MYO18B: variants seen among roughly 807,000 people sequenced by gnomAD.
The protein encoded by MYO18B is unconventional myosin-XVIIIb.
Under a neutral mutation model 273.0 loss-of-function variants are expected in MYO18B, and 204 were observed. The ratio of observed to expected loss-of-function variants is 0.75; its 90% CI spans 0.67 to 0.84. The LOEUF (loss-of-function observed/expected upper bound fraction) is 0.84. MYO18B is among the 40% of genes least tolerant of loss of function. MYO18B has a pLI of 0.00. For missense variants in MYO18B, 3,212 were observed against 3,287.6 expected (o/e 0.98, Z 0.56); for synonymous variants, 1,330 against 1,305.7 (o/e 1.02, Z -0.40).
At chr22:25,787,095 GTTCCAGCT>G in intron 11 of MYO18B, among the ~76,000 whole-genome samples, 1 of 152,162 alleles carries the variant, frequency 6.6e-6, no homozygotes, top group Non-Finnish European at 1.5e-5. Context: ...CATGCCTGTA[GTTCCAGCT>G]GCTTGGGAGG....
At chr22:25,921,212 C>CACTG (rs2092335988) in intron 33 of MYO18B, 45 bp from the exon 34 acceptor site, 2 of 1,522,896 alleles carry the variant, frequency 1.3e-6, no homozygotes, top group African/African-American at 2.8e-5. Context: ...AGACCCTGGC[C>CACTG]ACTGCTTTGC....
At chr22:25,928,801 A>C (rs1264878390) in intron 34 of MYO18B, among the ~76,000 whole-genome samples, 1 of 152,082 alleles carries the variant, frequency 6.6e-6, no homozygotes, top group Non-Finnish European at 1.5e-5. Context: ...ATCTCAGCTG[A>C]TTGGGCTGAT....
intron 2 of MYO18B, 80 bp from the exon 3 acceptor site, chr22:25,763,151 T>C: frequency 1.3e-6 from 2 of 1,542,816 alleles, no homozygotes; most frequent in Admixed American, 3.4e-5. Flanking sequence ...CCTCCCAGGC[T>C]CCATCACAAA....
the MYO18B span, among the ~76,000 whole-genome samples, chr22:26,063,819 A>G: frequency 1.3e-5 from 2 of 152,252 alleles, no homozygotes; most frequent in African/African-American, 4.8e-5. Context: ...AAATAGTGTG[A>G]TAGCAATTAA....
chr22:25,774,995 G>T (rs1399403264), intron 7 of MYO18B, among the ~76,000 whole-genome samples: 1 of 152,240 alleles, frequency 6.6e-6, no homozygotes, highest in African/African-American at 2.4e-5. Context: ...AGATGCAAAG[G>T]CATGTGTGCA....
intron 21 of MYO18B, among the ~76,000 whole-genome samples, chr22:25,856,114 A>G (rs1186640894): frequency 1.3e-5 from 2 of 152,220 alleles, no homozygotes; most frequent in African/African-American, 4.8e-5. Flanking sequence ...GAGCTGCCAT[A>G]CAGTTTTTTA....
chr22:25,991,759 C>T (rs569990480), intron 39 of MYO18B, among the ~76,000 whole-genome samples: 61 of 152,244 alleles, frequency 4.0e-4, no homozygotes, highest in African/African-American at 1.4e-3. Context: ...TGAGTGAGAT[C>T]CTGGCTGCAA....
chr22:25,847,515 G>T lies in MYO18B; in HGVS notation c.3638G>T (p.Gly1213Val). The stretch of plus-strand genomic sequence containing the variant: ...AACCCTGTGGTGGAAAGCAGGAGTG[G>T]GCAGGAATCTCCACCACCACCGCAG... ...VPNPVVESRS[G>V]QESPPPPQPG... Residue 1213 changes from glycine (G) to valine (V), a missense_variant, in exon 20 of 44, where the codon GGG (glycine) becomes GTG (valine). By Grantham distance (109) the Gly-to-Val change is moderately radical (BLOSUM62 -3). Transcript: ENST00000335473. 1 of 1,578,258 alleles carries T rather than the reference G, an allele frequency of 6.3e-7. No individual in the cohort carries two copies. The highest frequency in any genetic ancestry group is 1.8e-5 in the Admixed American group (1 of 55,016).
At chr22:25,785,400 T>C in intron 10 of MYO18B, 28 bp from the exon 11 acceptor site, 1 of 1,585,766 alleles carries the variant, frequency 6.3e-7, no homozygotes, top group African/African-American at 1.3e-5. Flanking sequence ...ACAGCCCCCC[T>C]GACTCCTGGT....
At chr22:25,833,705 C>G (rs1324374194) in intron 16 of MYO18B, among the ~76,000 whole-genome samples, 1 of 152,198 alleles carries the variant, frequency 6.6e-6, no homozygotes, top group East Asian at 1.9e-4. Flanking sequence ...TTCCTCATTT[C>G]CAGAATGGGG....
chr22:25,905,097 C>T (rs2092015449), intron 31 of MYO18B, among the ~76,000 whole-genome samples: 1 of 151,654 alleles, frequency 6.6e-6, no homozygotes, highest in Non-Finnish European at 1.5e-5. Context: ...AAAATGTGAC[C>T]AGGTGTCATG....
chr22:25,850,109 C>T (rs1569108344), intron 20 of MYO18B, among the ~76,000 whole-genome samples: 1 of 152,174 alleles, frequency 6.6e-6, no homozygotes, highest in Non-Finnish European at 1.5e-5. Context: ...GTCTGAGACC[C>T]TCCTCTTCCC....
At chr22:25,949,809 G>C (rs527258877) in intron 36 of MYO18B, among the ~76,000 whole-genome samples, 2 of 151,914 alleles carry the variant, frequency 1.3e-5, no homozygotes, top group East Asian at 3.9e-4. Context: ...AAGTAAAGAG[G>C]TGTTTCTACC....
chr22:26,007,946 T>A (rs1274578012), intron 42 of MYO18B, among the ~76,000 whole-genome samples: 1 of 152,216 alleles, frequency 6.6e-6, no homozygotes, highest in African/African-American at 2.4e-5. Context: ...TGTATATCCT[T>A]CTCTATCTTT....
At chr22:25,937,519 T>C (rs2092594045) in intron 34 of MYO18B, among the ~76,000 whole-genome samples, 2 of 151,404 alleles carry the variant, frequency 1.3e-5, no homozygotes, top group South Asian at 4.2e-4. Context: ...TAAGATATTC[T>C]CCCCCATGGC....
In MYO18B at chr22:26,027,101, T is replaced by G; in HGVS notation, c.7127T>G (p.Leu2376Trp). ...SSPTTPRDML[L>W]SPTLRPRRRC... Reference sequence around the variant, plus strand: ...CCGACCACACCCAGGGACATGCTGTTGTCGCCCACACTGCGTCCTCGGAGG... The same window carrying G: ...CCGACCACACCCAGGGACATGCTGTGGTCGCCCACACTGCGTCCTCGGAGG... The change falls in exon 43 of 44, where the codon TTG (leucine) becomes TGG (tryptophan). Residue 2376 changes from leucine to tryptophan, a missense_variant. Transcript: ENST00000335473. This position sits in a 1 kb window ranked among gnomAD's most constrained non-coding sequence, Gnocchi z 4.1. The G allele has an allele frequency of 6.2e-7, 1 of 1,614,024 alleles. No individual in the cohort carries two copies. The highest frequency in any genetic ancestry group is 8.5e-7 in the Non-Finnish European group (1 of 1,179,892).
chr22:25,810,290 G>A lies in MYO18B; in HGVS notation c.2521+12193G>A, dbSNP rs147421735. ...TTTTTTTGTATTTTTAGTAGAGATG[G>A]GGTTTCACTGTGTTAGCCAGGATGG... On this transcript the variant is annotated intron_variant, in intron 12 of 43. Coordinates refer to ENST00000335473, the MANE Select transcript of MYO18B (RefSeq NM_032608.7). 2.9e-3 allele frequency among the ~76,000 whole-genome samples: 441 copies of A among 151,440 alleles called. 22 individuals carry two copies. The East Asian group carries it at 0.079, about 27-fold the overall frequency.
At chr22:25,778,622 G>A (rs2087010271) in intron 8 of MYO18B, among the ~76,000 whole-genome samples, 1 of 151,842 alleles carries the variant, frequency 6.6e-6, no homozygotes, top group Admixed American at 6.6e-5. Context: ...TGGGACTACA[G>A]GTACACGCCA....
At chr22:25,846,047 G>C in intron 18 of MYO18B, 53 bp from the exon 19 acceptor site, 2 of 1,434,412 alleles carry the variant, frequency 1.4e-6, no homozygotes, top group Non-Finnish European at 1.8e-6. Context: ...CCAGGCCAAG[G>C]CTTTCCCAAG....
Sources: gnomAD v4.1 joint callset for allele counts (sites outside exome capture counted in the v4.1 genomes callset) on GRCh38, gnomAD v4.1.1 for gene constraint, Gnocchi (gnomAD v3.1) non-coding constraint, MANE v1.5 for transcripts, NCBI Gene and HGNC (gene_info 2026-07-23, HGNC 2026-07-21) for gene names.